Variants in BCAT1 observed in about 807,000 individuals in gnomAD.
BCAT1 encodes branched chain amino acid transaminase 1, also known as branched-chain-amino-acid aminotransferase, cytosolic.
In BCAT1, 48 loss-of-function variants were observed where a neutral mutation model predicts 52.4. That is an observed-to-expected ratio of 0.92 (90% CI 0.73 to 1.16). The LOEUF is 1.16. Among genes scored for constraint, BCAT1 ranks in the 50% most tolerant of loss-of-function variants. The pLI is 0.00. For synonymous variants in BCAT1, 167 were observed against 161.3 expected, an observed-to-expected ratio of 1.04 and a Z score of -0.27; for missense variants, 451 against 457.1, an observed-to-expected ratio of 0.99 and a Z score of 0.12.
intron 5 of BCAT1, among the ~76,000 whole-genome samples, chr12:24,864,652 C>A (rs1039049234): frequency 6.6e-6 from 1 of 151,266 alleles, no homozygotes; most frequent in African/African-American, 2.5e-5. Context: ...CATAATATCT[C>A]CCAACTAAGA....
At chr12:24,843,947 T>C (rs979722931) in intron 6 of BCAT1, among the ~76,000 whole-genome samples, 23 of 152,104 alleles carry the variant, frequency 1.5e-4, no homozygotes, top group African/African-American at 5.1e-4. Context: ...GCTGTGTCCA[T>C]GATCACCACA....
intron 1 of BCAT1, among the ~76,000 whole-genome samples, chr12:24,925,593 C>G (rs547556151): frequency 6.6e-6 from 1 of 150,942 alleles, no homozygotes; most frequent in Non-Finnish European, 1.5e-5. Flanking sequence ...TCCCTCTCCC[C>G]ACGGTCTCCC....
chr12:24,837,521 G>A (rs1299950513), intron 7 of BCAT1, among the ~76,000 whole-genome samples: 1 of 151,354 alleles, frequency 6.6e-6, no homozygotes, highest in African/African-American at 2.4e-5. Context: ...CTGCCTCCCA[G>A]GGTCAAGTGA....
At chr12:24,854,670 T>G (rs1437573592) in intron 5 of BCAT1, among the ~76,000 whole-genome samples, 2 of 152,204 alleles carry the variant, frequency 1.3e-5, no homozygotes, top group Non-Finnish European at 2.9e-5. Flanking sequence ...GCATTGCTTT[T>G]TGGCTCCAAA....
chr12:24,873,969 A>C (rs1219475458), intron 5 of BCAT1, among the ~76,000 whole-genome samples: 1 of 152,228 alleles, frequency 6.6e-6, no homozygotes, highest in Admixed American at 6.5e-5. Context: ...ATTTATCATG[A>C]GGAACTGCAC....
chr12:24,838,222 G>A (rs139657580), intron 7 of BCAT1, among the ~76,000 whole-genome samples: 1 of 152,082 alleles, frequency 6.6e-6, no homozygotes, highest in Non-Finnish European at 1.5e-5. Context: ...CCTCAAAACT[G>A]GGCATTGTGC....
At chr12:24,843,332 G>A (rs769089357) in intron 6 of BCAT1, among the ~76,000 whole-genome samples, 13 of 129,974 alleles carry the variant, frequency 1.0e-4, no homozygotes, top group Non-Finnish European at 1.7e-4. Flanking sequence ...GGCCAGGCGC[G>A]GTGGCTTATG....
intron 4 of BCAT1, among the ~76,000 whole-genome samples, chr12:24,880,003 C>A (rs12425320): frequency 0.17 from 25,362 of 152,140 alleles, 2,164 homozygotes; most frequent in East Asian, 0.22. Context: ...CGAAACTATG[C>A]CCTAGTCCAA....
At chr12:24,929,182 T>C (rs1430528034) in intron 1 of BCAT1, among the ~76,000 whole-genome samples, 1 of 152,204 alleles carries the variant, frequency 6.6e-6, no homozygotes, top group Non-Finnish European at 1.5e-5. Flanking sequence ...TTCCCTAAAC[T>C]CTCTCTCTAT....
intron 1 of BCAT1, chr12:24,903,222 C>G (rs1041799707): frequency 1.1e-6 from 1 of 927,130 alleles, no homozygotes; most frequent in Non-Finnish European, 1.4e-6. Context: ...TCGCTAAAAC[C>G]GAAGCGGTTG....
chr12:24,814,385 C>A lies in BCAT1; in HGVS notation c.*3623G>T, dbSNP rs1435728044. The stretch of plus-strand genomic sequence containing the variant: ...TTTTCTGCTGAAAATTCATCTTTCC[C>A]AATCATAAGGGGAAACCAAATATGC... On this transcript the variant is annotated 3_prime_UTR_variant, in exon 11 of 11. Transcript: ENST00000261192. The A allele has an allele frequency of 6.8e-6, 1 of 147,268 alleles. No homozygotes were observed. Among genetic ancestry groups the A allele is most frequent in the African/African-American group, 2.5e-5 (1 of 39,704 alleles). 9.1% of individuals were successfully genotyped at this position (147,268 alleles called of 1,614,324 possible). A position where few individuals can be genotyped will look rare whatever the true frequency, so the allele number is the denominator to read the frequency against.
chr12:24,852,113 C>T (rs1941532804), intron 5 of BCAT1, among the ~76,000 whole-genome samples: 1 of 152,140 alleles, frequency 6.6e-6, no homozygotes, highest in African/African-American at 2.4e-5. Context: ...CTCTCCCTCT[C>T]CTGCTGCCAT....
chr12:24,839,570 G>A (rs193039816), intron 7 of BCAT1, among the ~76,000 whole-genome samples: 169 of 152,334 alleles, frequency 1.1e-3, no homozygotes, highest in Non-Finnish European at 1.8e-3. Context: ...CACCATGGGT[G>A]CTGTTACTGA....
chr12:24,876,551 C>G (rs925419815), intron 5 of BCAT1, among the ~76,000 whole-genome samples: 1 of 152,048 alleles, frequency 6.6e-6, no homozygotes, highest in African/African-American at 2.4e-5. Flanking sequence ...CCATTCATGA[C>G]AAAAACTCTC....
intron 1 of BCAT1, among the ~76,000 whole-genome samples, chr12:24,936,265 C>T (rs75141313): frequency 3.2e-4 from 49 of 152,296 alleles, no homozygotes; most frequent in African/African-American, 1.0e-3. Flanking sequence ...CGAAGTCTCA[C>T]GCTGTAGCCC....
chr12:24,838,553 C>T (rs1941074637), intron 7 of BCAT1, among the ~76,000 whole-genome samples: 1 of 151,754 alleles, frequency 6.6e-6, no homozygotes, highest in Non-Finnish European at 1.5e-5. Context: ...CAAACCGGAC[C>T]TTTCCTAAAG....
In BCAT1 at chr12:24,811,790, T is replaced by C. The variant is rs933176255; in HGVS notation, c.*6218A>G. 2 of 152,178 alleles carry C rather than the reference T, an allele frequency of 1.3e-5. No homozygotes were observed. The highest frequency in any genetic ancestry group is 4.8e-5 in the African/African-American group (2 of 41,476). 9.4% of individuals were successfully genotyped at this position (152,178 alleles called of 1,614,324 possible). On this transcript the variant is annotated 3_prime_UTR_variant, in exon 11 of 11. Coordinates refer to ENST00000261192, the MANE Select transcript of BCAT1 (RefSeq NM_005504.7). The stretch of plus-strand genomic sequence containing the variant: ...TCTGAGACTTGCAATGGCTGGAGTC[T>C]ATCAGTACAATAGTAATTGCAATCA...
At chr12:24,866,782 A>G (rs550768556) in intron 5 of BCAT1, among the ~76,000 whole-genome samples, 2 of 152,230 alleles carry the variant, frequency 1.3e-5, no homozygotes, top group East Asian at 1.9e-4. Context: ...AAATGCACCA[A>G]TCAGCACCCT....
chr12:24,844,155 C>T (rs575542212), intron 6 of BCAT1, among the ~76,000 whole-genome samples: 13 of 152,168 alleles, frequency 8.5e-5, no homozygotes, highest in Non-Finnish European at 1.6e-4. Flanking sequence ...AGGCCGGGCA[C>T]GGTGGCTCAT....
Sources: allele counts gnomAD v4.1 joint callset (sites outside exome capture counted in the v4.1 genomes callset), GRCh38; gene constraint gnomAD v4.1.1; transcripts MANE v1.5; gene names NCBI Gene and HGNC (gene_info 2026-07-23, HGNC 2026-07-21).